Variants in GRK1 observed in about 807,000 individuals in gnomAD.
The protein encoded by GRK1 is rhodopsin kinase GRK1.
Under a neutral mutation model 41.7 loss-of-function variants are expected in GRK1, and 28 were observed. The observed-to-expected ratio is 0.67, with a 90% CI of 0.50 to 0.92. The LOEUF (loss-of-function observed/expected upper bound fraction) is 0.92, where lower values mean the gene tolerates loss of function less well. Ranked by LOEUF, GRK1 falls within the 40% of genes least tolerant of loss-of-function variation. The pLI is 0.00. For missense variants in GRK1, 703 were observed against 671.2 expected (o/e 1.05, Z -0.52); for synonymous variants, 327 against 286.7 (o/e 1.14, Z -1.42).
rs2049828096 is a variant in GRK1, at chr13:113,667,681, G to C, written c.295G>C (p.Asp99His). Residue 99 changes from aspartate (D) to histidine (H), a missense_variant, in exon 1 of 7, where the codon GAC becomes CAC. Asp to His is a moderately conservative substitution (Grantham distance 81). Coordinates refer to ENST00000335678, the MANE Select transcript of GRK1 (RefSeq NM_002929.3). The surrounding 1 kb of genome is among the most constrained non-coding windows in gnomAD (Gnocchi z 7.5). ...WKDIEDYDTA[D>H]NDLQPQKAQT... Reference sequence around the variant, plus strand: ...AGACATCGAGGACTATGACACGGCAGACAATGACCTCCAGCCACAGAAGGC... The same window carrying C: ...AGACATCGAGGACTATGACACGGCACACAATGACCTCCAGCCACAGAAGGC... The C allele has an allele frequency of 6.2e-7, 1 of 1,613,570 alleles. No individual in the cohort carries two copies. Among genetic ancestry groups the C allele is most frequent in the Admixed American group, 1.7e-5 (1 of 60,016 alleles).
intron 1 of GRK1, 190 bp from the exon 2 acceptor site, chr13:113,669,497 T>C (rs1235922570): frequency 5.7e-5 from 11 of 191,614 alleles, no homozygotes; most frequent in Non-Finnish European, 9.6e-5. Context: ...CATGTCTGGT[T>C]TTCTGAAATG....
At chr13:113,655,090 C>T in the GRK1 span, 1 of 1,135,596 alleles carries the variant, frequency 8.8e-7, no homozygotes, top group Non-Finnish European at 1.2e-6. Context: ...AAACCCCGTC[C>T]CCACAAACAG....
At chr13:113,725,246 AGTGCG>A (rs1351877423) in intron 4 of GRK1, among the ~76,000 whole-genome samples, 1 of 152,020 alleles carries the variant, frequency 6.6e-6, no homozygotes, top group Admixed American at 6.5e-5. Flanking sequence ...CCCCCTTGCC[AGTGCG>A]GTGCGGACCC....
At chr13:113,733,715 ACGTGTGTGTGCGCGCG>A (rs2049963254) in intron 6 of GRK1, among the ~76,000 whole-genome samples, 2 of 96,958 alleles carry the variant, frequency 2.1e-5, no homozygotes, top group Admixed American at 1.0e-4. Context: ...GTGTGTGCGC[ACGTGTGTGTGCGCGCG>A]TGTGTATGTG....
chr13:113,733,953 T>C lies in GRK1; in HGVS notation c.1396+868T>C, dbSNP rs1305332199. Among the ~76,000 whole-genome samples the C allele has an allele frequency of 1.7e-4, 25 of 147,852 alleles. 1 individual carries two copies. The highest frequency in any genetic ancestry group is 4.8e-4 in the African/African-American group (19 of 39,466). On this transcript the variant is annotated intron_variant, in intron 6 of 6. Coordinates refer to ENST00000335678, the MANE Select transcript of GRK1 (RefSeq NM_002929.3). ...GTGTGCATACGTGTGTGCGTGTGTG[T>C]GCATACGTGTGTGTGCGTGTGTGCG...
the GRK1 span, chr13:113,649,296 A>G: frequency 6.7e-7 from 1 of 1,493,946 alleles, no homozygotes; most frequent in Admixed American, 2.1e-5. The surrounding 1 kb of genome is among the most constrained non-coding windows in gnomAD (Gnocchi z 4.7). Flanking sequence ...CAGGGAACTG[A>G]CGGGCAAGGT....
chr13:113,734,005 T>C (rs1326417805), intron 6 of GRK1, among the ~76,000 whole-genome samples: 1 of 134,246 alleles, frequency 7.4e-6, no homozygotes, highest in Non-Finnish European at 1.5e-5. Flanking sequence ...TGTGTGTGCG[T>C]GTGCGTGCAT....
upstream of GRK1, among the ~76,000 whole-genome samples, chr13:113,666,464 T>C (rs1431029565): frequency 2.6e-5 from 4 of 151,250 alleles, no homozygotes; most frequent in African/African-American, 9.7e-5. Flanking sequence ...GTTCCCCAGG[T>C]GTGTCCCAGC....
intron 5 of GRK1, 144 bp from the exon 6 acceptor site, chr13:113,732,737 CGCT>C: frequency 1.3e-6 from 1 of 749,342 alleles, no homozygotes; most frequent in East Asian, 2.7e-5. Flanking sequence ...GAGCCTCAAA[CGCT>C]GCTGTGCTGG....
chr13:113,659,396 A>C, the GRK1 span, among the ~76,000 whole-genome samples: 25,994 of 151,964 alleles, frequency 0.17, 2,722 homozygotes, highest in African/African-American at 0.28. Context: ...CATACTGTCA[A>C]CTCTAGGCCG....
At chr13:113,653,208 C>T in the GRK1 span, 4 of 1,386,014 alleles carry the variant, frequency 2.9e-6, no homozygotes, top group South Asian at 3.9e-5. Context: ...CCGTTTCACA[C>T]CTCACCTGCT....
At chr13:113,659,385 C>T in the GRK1 span, among the ~76,000 whole-genome samples, 1 of 152,116 alleles carries the variant, frequency 6.6e-6, no homozygotes, top group Admixed American at 6.5e-5. Context: ...GCAGAGTTTC[C>T]CATACTGTCA....
At chr13:113,729,911 C>T (rs925420058) in intron 4 of GRK1, among the ~76,000 whole-genome samples, 8 of 150,340 alleles carry the variant, frequency 5.3e-5, no homozygotes, top group South Asian at 2.1e-4. Flanking sequence ...CGCGGCTGCA[C>T]CCAGACCCAT....
chr13:113,733,188 C>T, intron 6 of GRK1, 103 bp downstream of exon 6: 1 of 1,175,376 alleles, frequency 8.5e-7, no homozygotes, highest in Non-Finnish European at 1.2e-6. Flanking sequence ...GGAGGAGTGC[C>T]TCAGACCCCC....
Position 113,669,821 on chromosome 13 carries a change from G to T in GRK1, c.827+7G>T, listed in dbSNP as rs186291887. 625 of 1,613,748 alleles carry T rather than the reference G, an allele frequency of 3.9e-4. 4 individuals carry two copies. The East Asian group carries it at 8.1e-3, about 21-fold the overall frequency. On this transcript the variant is annotated splice_region_variant and intron_variant, in intron 2 of 6. Transcript: ENST00000335678. Reference sequence around the variant, plus strand: ...TGAACGGAGGTGACATCAGGTAAGGGCTGGGCCAGAGGGCACGAGGGGGCC... The same window carrying T: ...TGAACGGAGGTGACATCAGGTAAGGTCTGGGCCAGAGGGCACGAGGGGGCC...
At chr13:113,654,422 CTG>C in the GRK1 span, among the ~76,000 whole-genome samples, 2 of 152,208 alleles carry the variant, frequency 1.3e-5, no homozygotes, top group Non-Finnish European at 2.9e-5. Flanking sequence ...TCCTTGGAAA[CTG>C]TTTCCTGTGC....
At chr13:113,648,816 C>G in the GRK1 span, 1 of 152,100 alleles carries the variant, frequency 6.6e-6, no homozygotes, top group African/African-American at 2.4e-5. Flanking sequence ...TTTAAGGAAG[C>G]GTTTGGTTTT....
intron 6 of GRK1, among the ~76,000 whole-genome samples, chr13:113,733,969 CGTGTGT>C (rs1315183203): frequency 6.4e-4 from 56 of 87,908 alleles, no homozygotes; most frequent in East Asian, 5.9e-3. Context: ...CGTGTGTGTG[CGTGTGT>C]GCGCATGTGT....
chr13:113,651,012 C>T, the GRK1 span, among the ~76,000 whole-genome samples: 1 of 151,794 alleles, frequency 6.6e-6, no homozygotes, highest in Admixed American at 6.6e-5. Flanking sequence ...CGCAGTGTGG[C>T]CCAAATAAAT....
Sources: allele counts gnomAD v4.1 joint callset (sites outside exome capture counted in the v4.1 genomes callset), GRCh38; gene constraint gnomAD v4.1.1; non-coding constraint Gnocchi (gnomAD v3.1); transcripts MANE v1.5; gene names NCBI Gene and HGNC (gene_info 2026-07-23, HGNC 2026-07-21).